Variants in PSMD14 observed in about 807,000 individuals in gnomAD.
PSMD14 encodes ubiquitin C-terminal hydrolase PSMD14.
Under a neutral mutation model 41.2 loss-of-function variants are expected in PSMD14, and 7 were observed. That is an observed-to-expected ratio of 0.17 (90% CI 0.10 to 0.32). The LOEUF is 0.32. Ranked by LOEUF, PSMD14 falls within the 10% of genes least tolerant of loss-of-function variation. The probability of loss-of-function intolerance (pLI) is 1.00; values close to 1 mark genes in which losing one functional copy is unlikely to be tolerated. For synonymous variants in PSMD14, 114 were observed against 122.3 expected, an observed-to-expected ratio of 0.93 and a Z score of 0.45; for missense variants, 139 against 375.6, an observed-to-expected ratio of 0.37 and a Z score of 5.21.
At chr2:161,313,706 A>G (rs1364597168) in intron 1 of PSMD14, among the ~76,000 whole-genome samples, 1 of 152,220 alleles carries the variant, frequency 6.6e-6, no homozygotes, top group Non-Finnish European at 1.5e-5. Flanking sequence ...ATATCTTCAT[A>G]TATCATCCTT....
At chr2:161,321,067 A>G (rs1002436774) in intron 3 of PSMD14, among the ~76,000 whole-genome samples, 6 of 152,232 alleles carry the variant, frequency 3.9e-5, no homozygotes, top group African/African-American at 7.2e-5. Flanking sequence ...CTTTGGATTG[A>G]TAATAGCTAT....
intron 8 of PSMD14, among the ~76,000 whole-genome samples, chr2:161,389,909 T>TTG (rs1683689641): frequency 7.6e-6 from 1 of 131,386 alleles, no homozygotes; most frequent in African/African-American, 2.9e-5. Flanking sequence ...TTTTTTTTTT[T>TTG]TTTAGAGATG....
At chr2:161,323,762 G>A (rs2105233022) in intron 3 of PSMD14, among the ~76,000 whole-genome samples, 1 of 152,244 alleles carries the variant, frequency 6.6e-6, no homozygotes, top group East Asian at 1.9e-4. Context: ...GTTTGAAGCA[G>A]AAATAAAGAT....
At chr2:161,405,798 GAT>G (rs1335003458) in intron 10 of PSMD14, among the ~76,000 whole-genome samples, 2 of 152,098 alleles carry the variant, frequency 1.3e-5, no homozygotes, top group African/African-American at 4.8e-5. Context: ...ATATTAAAAA[GAT>G]ATTTAAATGG....
intron 3 of PSMD14, among the ~76,000 whole-genome samples, chr2:161,326,002 A>G (rs969821730): frequency 6.6e-6 from 1 of 152,188 alleles, no homozygotes; most frequent in African/African-American, 2.4e-5. Flanking sequence ...ATTTGTACCA[A>G]ATGGATTGAA....
intron 1 of PSMD14, among the ~76,000 whole-genome samples, chr2:161,314,308 G>A (rs369361661): frequency 3.3e-5 from 5 of 152,160 alleles, no homozygotes; most frequent in East Asian, 3.8e-4. Flanking sequence ...TGTTGAATAA[G>A]TAACTGAGTA....
intron 3 of PSMD14, among the ~76,000 whole-genome samples, chr2:161,329,309 A>T (rs907391731): frequency 2.0e-5 from 3 of 152,162 alleles, no homozygotes; most frequent in Non-Finnish European, 2.9e-5. Context: ...ATCATTGTGT[A>T]CAATTAGTCT....
chr2:161,377,673 T>G (rs1325110145), intron 7 of PSMD14, among the ~76,000 whole-genome samples: 1 of 151,916 alleles, frequency 6.6e-6, no homozygotes, highest in African/African-American at 2.4e-5. Context: ...CTGATCTAAT[T>G]TGTTATGCTT....
At chr2:161,317,712 T>A (rs990391045) in intron 2 of PSMD14, among the ~76,000 whole-genome samples, 2 of 152,198 alleles carry the variant, frequency 1.3e-5, no homozygotes, top group Non-Finnish European at 2.9e-5. Flanking sequence ...GGGGATAATA[T>A]ATAAGTACAT....
Position 161,387,358 on chromosome 2 carries a change from G to C in PSMD14, c.570+1787G>C, listed in dbSNP as rs187042848. Among the ~76,000 whole-genome samples, 1,272 of 152,084 alleles carry C rather than the reference G, an allele frequency of 8.4e-3. 7 individuals are homozygous for C. The highest frequency in any genetic ancestry group is 0.015 in the Non-Finnish European group (1,010 of 67,934). On this transcript the variant is annotated intron_variant, in intron 8 of 11. Transcript: ENST00000409682. ...ATGTTAGCAGGATCTTTAACTCTGGGATCAGAAACCTTTCAGAAATGCCAT... is the reference window on the plus strand; with the variant it reads ...ATGTTAGCAGGATCTTTAACTCTGGCATCAGAAACCTTTCAGAAATGCCAT...
intron 10 of PSMD14, among the ~76,000 whole-genome samples, chr2:161,396,618 G>C (rs1435743843): frequency 6.6e-6 from 1 of 152,168 alleles, no homozygotes; most frequent in Non-Finnish European, 1.5e-5. Flanking sequence ...GTGGTTACCA[G>C]GAATGTGAGG....
intron 3 of PSMD14, among the ~76,000 whole-genome samples, chr2:161,344,367 T>A (rs982691377): frequency 1.3e-5 from 2 of 152,228 alleles, no homozygotes; most frequent in Non-Finnish European, 2.9e-5. Context: ...TGTTGTAGAC[T>A]GCTGGCTTCT....
At chr2:161,358,761 G>C (rs922391148) in intron 3 of PSMD14, among the ~76,000 whole-genome samples, 9 of 152,112 alleles carry the variant, frequency 5.9e-5, no homozygotes, top group African/African-American at 2.2e-4. Context: ...TGGCCAACAT[G>C]GTGAAACCCC....
At chr2:161,326,996 T>C (rs10469684) in intron 3 of PSMD14, among the ~76,000 whole-genome samples, 2 of 151,956 alleles carry the variant, frequency 1.3e-5, no homozygotes, top group African/African-American at 2.4e-5. Context: ...CCTGTTGATA[T>C]GGAGGGCTGA....
chr2:161,333,855 A>G (rs905198421), intron 3 of PSMD14, among the ~76,000 whole-genome samples: 1 of 151,890 alleles, frequency 6.6e-6, no homozygotes, highest in Non-Finnish European at 1.5e-5. Flanking sequence ...GCATGGTGAA[A>G]CCCCATCTCT....
At chr2:161,358,719 T>G (rs895728389) in intron 3 of PSMD14, among the ~76,000 whole-genome samples, 1 of 152,030 alleles carries the variant, frequency 6.6e-6, no homozygotes, top group Non-Finnish European at 1.5e-5. Flanking sequence ...CTGAGGCGGG[T>G]GGATCATGAG....
intron 3 of PSMD14, among the ~76,000 whole-genome samples, chr2:161,336,237 TTTATAAC>T (rs1682867522): frequency 6.6e-6 from 1 of 152,250 alleles, no homozygotes; most frequent in South Asian, 2.1e-4. Context: ...CATGTGCTAA[TTTATAAC>T]TTTTATATCA....
chr2:161,383,922 A>AG, intron 7 of PSMD14: 1 of 151,656 alleles, frequency 6.6e-6, no homozygotes, highest in Non-Finnish European at 1.5e-5. Flanking sequence ...GAAGTTATTT[A>AG]TGATAACATC....
In PSMD14 at chr2:161,326,552, G is replaced by A. The variant is rs368076605; in HGVS notation, c.48+7679G>A. Among the ~76,000 whole-genome samples, 37 of 152,236 alleles carry A rather than the reference G, an allele frequency of 2.4e-4. No homozygotes were observed. In the East Asian group the frequency reaches 6.7e-3, roughly 28 times the overall value. On this transcript the variant is annotated intron_variant, in intron 3 of 11. Coordinates refer to ENST00000409682, the MANE Select transcript of PSMD14 (RefSeq NM_005805.6). Reference sequence around the variant, plus strand: ...TATAATCCAGCAATTCAGCTTCTGGGTATGTGCCCAAAATAATTGAAAGCA... The same window carrying A: ...TATAATCCAGCAATTCAGCTTCTGGATATGTGCCCAAAATAATTGAAAGCA...
Sources: allele counts gnomAD v4.1 joint callset (sites outside exome capture counted in the v4.1 genomes callset), GRCh38; gene constraint gnomAD v4.1.1; transcripts MANE v1.5; gene names NCBI Gene and HGNC (gene_info 2026-07-23, HGNC 2026-07-21).